The following ATP6V0D1 variants were observed in gnomAD, a reference collection of about 807,000 sequenced individuals.
The protein encoded by ATP6V0D1 is V-type proton ATPase subunit d 1.
A neutral mutation model predicts 39.0 loss-of-function variants in ATP6V0D1; 13 were observed. The ratio of observed to expected loss-of-function variants is 0.33; its 90% confidence interval spans 0.22 to 0.53. The LOEUF (loss-of-function observed/expected upper bound fraction) is 0.53. ATP6V0D1 is among the 20% of genes least tolerant of loss of function. The pLI is 0.94. For missense variants in ATP6V0D1, 272 were observed against 470.9 expected (o/e 0.58, Z 3.91); for synonymous variants, 191 against 191.2 (o/e 1.00, Z 0.01).
At chr16:67,457,712 T>G in intron 1 of ATP6V0D1, 5 of 1,154,818 alleles carry the variant, frequency 4.3e-6, no homozygotes, top group Non-Finnish European at 5.8e-6. Flanking sequence ...GAGGGCTCTC[T>G]TCTGCAGGCC....
Position 67,438,856 on chromosome 16 carries a change from G to A in ATP6V0D1, c.831C>T (p.Leu277=). 6.2e-7 allele frequency: 1 copy of A among 1,612,940 alleles called. No individual in the cohort carries two copies. Among genetic ancestry groups the A allele is most frequent in the Non-Finnish European group, 8.5e-7 (1 of 1,179,702 alleles). ...CAGGGTTGCTACCTGCACCCTCGAA[G>A]AGCAGCTTGTACTCCTGGCCAGGGG... ...VADYYPEYKL[L]FEGAGSNPGD... The change falls in exon 7 of 8, where the codon CTC becomes CTT. Residue 277 remains leucine (L), a synonymous_variant. Coordinates refer to ENST00000290949, the MANE Select transcript of ATP6V0D1 (RefSeq NM_004691.5).
At chr16:67,480,875 C>A (rs1306405710) in intron 1 of ATP6V0D1, 82 bp downstream of exon 1, 3 of 1,556,646 alleles carry the variant, frequency 1.9e-6, no homozygotes, top group African/African-American at 1.4e-5. Flanking sequence ...TCAAGACCCC[C>A]CCTTCCGGCT....
intron 1 of ATP6V0D1, among the ~76,000 whole-genome samples, chr16:67,479,137 C>T (rs974308633): frequency 6.6e-6 from 1 of 152,118 alleles, no homozygotes; most frequent in Non-Finnish European, 1.5e-5. Flanking sequence ...CCCACCTCCA[C>T]TCACATAAGT....
rs779530279 is a variant in ATP6V0D1 at position 67,453,733 on chromosome 16, G to C, written c.131-18C>G. Reference sequence around the variant, plus strand: ...TTTCAAGTCTGAAACCCAAGGGTAGGGGGTAAGGGCTAGCCTTGCTGGGCC... The same window carrying C: ...TTTCAAGTCTGAAACCCAAGGGTAGCGGGTAAGGGCTAGCCTTGCTGGGCC... On this transcript the variant is annotated intron_variant, in intron 1 of 7. Coordinates refer to ENST00000290949, the MANE Select transcript of ATP6V0D1 (RefSeq NM_004691.5). The surrounding 1 kb of genome is among the most constrained non-coding windows in gnomAD (Gnocchi z 4.1). 5 of 1,612,256 alleles carry C rather than the reference G, an allele frequency of 3.1e-6. No homozygotes were observed. In the East Asian group the frequency reaches 6.7e-5, roughly 22 times the overall value.
intron 1 of ATP6V0D1, among the ~76,000 whole-genome samples, chr16:67,471,741 G>A (rs1021186645): frequency 2.0e-5 from 3 of 151,294 alleles, no homozygotes; most frequent in Non-Finnish European, 4.4e-5. Context: ...GTGTGATCAC[G>A]GCTCACTACA....
At chr16:67,462,160 C>T (rs1384627728) in intron 1 of ATP6V0D1, among the ~76,000 whole-genome samples, 1 of 152,158 alleles carries the variant, frequency 6.6e-6, no homozygotes, top group African/African-American at 2.4e-5. Context: ...CCGTCCCCAC[C>T]CAGGCCTGAA....
chr16:67,478,906 C>G (rs1211944209), intron 1 of ATP6V0D1, among the ~76,000 whole-genome samples: 1 of 152,046 alleles, frequency 6.6e-6, no homozygotes, highest in African/African-American at 2.4e-5. Context: ...AGGGAAACAA[C>G]CAACCGAATG....
chr16:67,450,269 CAT>C (rs1376198159), intron 2 of ATP6V0D1, among the ~76,000 whole-genome samples: 1 of 152,176 alleles, frequency 6.6e-6, no homozygotes, highest in African/African-American at 2.4e-5. Flanking sequence ...CTACTCAGGA[CAT>C]GTATAGTTCC....
At chr16:67,451,863 G>T (rs1055020170) in intron 2 of ATP6V0D1, among the ~76,000 whole-genome samples, 3 of 152,258 alleles carry the variant, frequency 2.0e-5, no homozygotes, top group African/African-American at 7.2e-5. Flanking sequence ...CAGTTTCATG[G>T]CCTGGCAGGC....
chr16:67,469,464 G>T (rs923997664), intron 1 of ATP6V0D1, among the ~76,000 whole-genome samples: 1 of 152,220 alleles, frequency 6.6e-6, no homozygotes, highest in African/African-American at 2.4e-5. Context: ...GCTCACAGTG[G>T]CTATACCTGG....
intron 1 of ATP6V0D1, among the ~76,000 whole-genome samples, chr16:67,478,628 A>AG (rs1176612447): frequency 3.4e-4 from 51 of 150,730 alleles, no homozygotes; most frequent in African/African-American, 8.8e-4. Flanking sequence ...AAAAAAAAAA[A>AG]AAAGAAAGAA....
At chr16:67,439,215 A>G in intron 5 of ATP6V0D1, 59 bp downstream of exon 5, 1 of 1,613,728 alleles carries the variant, frequency 6.2e-7, no homozygotes, top group Non-Finnish European at 8.5e-7. Flanking sequence ...CAGTTGGCAG[A>G]GCCTCCCCAG....
At chr16:67,449,659 A>T (rs920122586) in intron 2 of ATP6V0D1, among the ~76,000 whole-genome samples, 3 of 151,992 alleles carry the variant, frequency 2.0e-5, no homozygotes, top group African/African-American at 7.3e-5. Flanking sequence ...CTCTATCCCC[A>T]CCTGATCCTG....
At chr16:67,452,971 A>G (rs1247483174) in intron 2 of ATP6V0D1, among the ~76,000 whole-genome samples, 1 of 152,210 alleles carries the variant, frequency 6.6e-6, no homozygotes, top group Non-Finnish European at 1.5e-5. Flanking sequence ...TTGCGTCAGA[A>G]CTGAGAAAGG....
intron 1 of ATP6V0D1, among the ~76,000 whole-genome samples, chr16:67,474,677 A>C (rs544388753): frequency 4.3e-4 from 65 of 152,278 alleles, no homozygotes; most frequent in African/African-American, 1.4e-3. Context: ...TTCAGCCTCT[A>C]GTCTTCTGAT....
chr16:67,462,553 A>T (rs574372796), intron 1 of ATP6V0D1, among the ~76,000 whole-genome samples: 1 of 152,364 alleles, frequency 6.6e-6, no homozygotes, highest in South Asian at 2.1e-4. Flanking sequence ...GGCTGGGCAC[A>T]GTGGCTCACA....
chr16:67,474,102 C>A (rs1337541333), intron 1 of ATP6V0D1, among the ~76,000 whole-genome samples: 1 of 152,208 alleles, frequency 6.6e-6, no homozygotes, highest in African/African-American at 2.4e-5. Context: ...GTTAGACAGG[C>A]ACACTTGCCC....
At chr16:67,473,269 A>T (rs1194365964) in intron 1 of ATP6V0D1, among the ~76,000 whole-genome samples, 1 of 152,148 alleles carries the variant, frequency 6.6e-6, no homozygotes, top group African/African-American at 2.4e-5. Context: ...TTCATTTGCC[A>T]TACAATTTGC....
At chr16:67,458,519 T>C (rs2041261599) in intron 1 of ATP6V0D1, among the ~76,000 whole-genome samples, 1 of 152,152 alleles carries the variant, frequency 6.6e-6, no homozygotes, top group Non-Finnish European at 1.5e-5. Context: ...AGCCAAGGCA[T>C]GAGCAAGCAG....
Sources: allele counts gnomAD v4.1 joint callset (sites outside exome capture counted in the v4.1 genomes callset), GRCh38; gene constraint gnomAD v4.1.1; non-coding constraint Gnocchi (gnomAD v3.1); transcripts MANE v1.5; gene names NCBI Gene and HGNC (gene_info 2026-07-23, HGNC 2026-07-21).